Variants in CADM2 observed in about 807,000 individuals in gnomAD.
CADM2 encodes the protein cell adhesion molecule 2.
Under a neutral mutation model 49.8 loss-of-function variants are expected in CADM2, and 12 were observed. The observed-to-expected ratio is 0.24, with a 90% CI of 0.15 to 0.39. The LOEUF (loss-of-function observed/expected upper bound fraction) is 0.39. Among genes scored for constraint, CADM2 ranks in the 10% least tolerant of loss-of-function variants. The pLI, the probability that CADM2 is intolerant of heterozygous loss-of-function variation, is 1.00. For synonymous variants in CADM2, 214 were observed against 175.4 expected, an observed-to-expected ratio of 1.22 and a Z score of -1.74; for missense variants, 378 against 492.3, an observed-to-expected ratio of 0.77 and a Z score of 2.20.
At chr3:85,525,281 C>G (rs2061137129) in intron 1 of CADM2, among the ~76,000 whole-genome samples, 1 of 152,136 alleles carries the variant, frequency 6.6e-6, no homozygotes. Flanking sequence ...TTATTTACAT[C>G]TACCATTAAT....
chr3:85,382,366 C>T (rs7621071), intron 1 of CADM2, among the ~76,000 whole-genome samples: 13,578 of 151,922 alleles, frequency 0.089, 1,975 homozygotes, highest in African/African-American at 0.31. Context: ...GCAGTGGGCA[C>T]GCTCCTTAGA....
At chr3:85,281,589 A>G (rs2043500719) in intron 1 of CADM2, among the ~76,000 whole-genome samples, 1 of 152,108 alleles carries the variant, frequency 6.6e-6, no homozygotes, top group Non-Finnish European at 1.5e-5. Context: ...AAGTATGAGA[A>G]TAGTTTCACA....
intron 1 of CADM2, among the ~76,000 whole-genome samples, chr3:85,581,048 G>T (rs1048223886): frequency 6.6e-6 from 1 of 151,860 alleles, no homozygotes; most frequent in African/African-American, 2.4e-5. Flanking sequence ...AGACTATTGA[G>T]CATAAATTAT....
At chr3:86,006,907 G>A (rs965422485) in intron 8 of CADM2, among the ~76,000 whole-genome samples, 3 of 152,014 alleles carry the variant, frequency 2.0e-5, no homozygotes, top group African/African-American at 7.2e-5. Context: ...TAGGCATGGT[G>A]ACGGATACCT....
intron 5 of CADM2, among the ~76,000 whole-genome samples, chr3:85,891,593 G>A (rs971527141): frequency 1.3e-5 from 2 of 152,152 alleles, no homozygotes; most frequent in African/African-American, 4.8e-5. Flanking sequence ...ACAATGAGAC[G>A]AGGTCTTTAA....
chr3:85,316,484 G>A (rs1442368787), intron 1 of CADM2, among the ~76,000 whole-genome samples: 1 of 152,104 alleles, frequency 6.6e-6, no homozygotes, highest in Non-Finnish European at 1.5e-5. Context: ...GCTTCCTCCA[G>A]CTTAAGTAAG....
intron 3 of CADM2, among the ~76,000 whole-genome samples, chr3:85,871,013 C>G (rs2075907290): frequency 6.6e-6 from 1 of 152,134 alleles, no homozygotes; most frequent in Non-Finnish European, 1.5e-5. Context: ...ATGCCAAAAG[C>G]AATCACAACA....
chr3:85,495,806 G>A (rs1033125271), intron 1 of CADM2, among the ~76,000 whole-genome samples: 5 of 152,066 alleles, frequency 3.3e-5, no homozygotes, highest in African/African-American at 1.2e-4. Flanking sequence ...AACAGAGTGA[G>A]GAGTCATTCA....
chr3:85,632,357 A>G (rs530056799), intron 1 of CADM2, among the ~76,000 whole-genome samples: 1 of 152,194 alleles, frequency 6.6e-6, no homozygotes, highest in East Asian at 1.9e-4. Flanking sequence ...TAAATTGCCC[A>G]GTCTTGGGTA....
intron 3 of CADM2, among the ~76,000 whole-genome samples, chr3:85,842,248 G>A (rs1394276838): frequency 1.3e-5 from 2 of 152,100 alleles, no homozygotes; most frequent in Non-Finnish European, 1.5e-5. Context: ...ATCCCCACAA[G>A]AGGATTGAAT....
intron 1 of CADM2, among the ~76,000 whole-genome samples, chr3:85,562,061 C>G (rs2107183111): frequency 6.6e-6 from 1 of 152,216 alleles, no homozygotes; most frequent in East Asian, 1.9e-4. Context: ...AAAGTTGTGT[C>G]AACCATAGTA....
intron 2 of CADM2, among the ~76,000 whole-genome samples, chr3:85,757,350 G>T (rs556720269): frequency 1.3e-5 from 2 of 151,956 alleles, no homozygotes; most frequent in South Asian, 4.1e-4. Context: ...TTAAGTTCTT[G>T]GTTTAGAGAA....
intron 3 of CADM2, among the ~76,000 whole-genome samples, chr3:85,854,524 GA>G: frequency 6.6e-6 from 1 of 152,124 alleles, no homozygotes; most frequent in South Asian, 2.1e-4. Flanking sequence ...CAAACTAACA[GA>G]GGAGCAGAAA....
chr3:84,979,844 C>G (rs567523022), intron 1 of CADM2, among the ~76,000 whole-genome samples: 1 of 151,960 alleles, frequency 6.6e-6, no homozygotes, highest in African/African-American at 2.4e-5. Context: ...TTCCATCTTT[C>G]TTGGAATAAT....
intron 1 of CADM2, among the ~76,000 whole-genome samples, chr3:85,521,884 T>A (rs2061033849): frequency 1.3e-5 from 2 of 152,078 alleles, no homozygotes; most frequent in African/African-American, 4.8e-5. Flanking sequence ...AATGCTGCAC[T>A]GAACCACACT....
intron 3 of CADM2, among the ~76,000 whole-genome samples, chr3:85,847,433 C>T (rs147230136): frequency 2.2e-4 from 34 of 152,170 alleles, no homozygotes; most frequent in African/African-American, 4.3e-4. Flanking sequence ...CAGAAAAATA[C>T]GGCATCAGAA....
chr3:86,039,540 G>T (rs1227688342), intron 8 of CADM2, among the ~76,000 whole-genome samples: 2 of 152,122 alleles, frequency 1.3e-5, no homozygotes, highest in Admixed American at 6.5e-5. Context: ...TGGGGGAGGG[G>T]TGCCCACCAT....
chr3:85,672,035 G>A (rs4456873), intron 1 of CADM2, among the ~76,000 whole-genome samples: 58,322 of 151,792 alleles, frequency 0.38, 12,298 homozygotes, highest in East Asian at 0.54. Flanking sequence ...TCTGTCATAG[G>A]GTAGGTGTTC....
chr3:85,384,294 A>T (rs550900983), intron 1 of CADM2, among the ~76,000 whole-genome samples: 1 of 151,936 alleles, frequency 6.6e-6, no homozygotes, highest in South Asian at 2.1e-4. Flanking sequence ...TGGGTGTTAA[A>T]TTTTTCTTTT....
Sources: gnomAD v4.1 joint callset for allele counts (sites outside exome capture counted in the v4.1 genomes callset) on GRCh38, gnomAD v4.1.1 for gene constraint, MANE v1.5 for transcripts, NCBI Gene and HGNC (gene_info 2026-07-23, HGNC 2026-07-21) for gene names.